The following BROX variants were observed in gnomAD, a reference collection of about 807,000 sequenced individuals.
BROX encodes BRO1 domain and CAAX motif containing, also known as BRO1 domain-containing protein BROX.
BROX carries 53 observed loss-of-function variants against 61.0 expected under a neutral mutation model. The ratio of observed to expected loss-of-function variants is 0.87; its 90% CI spans 0.70 to 1.09. The LOEUF is 1.09. BROX is among the 50% of genes least tolerant of loss of function. BROX has a pLI of 0.00. For missense variants in BROX, 489 were observed against 472.0 expected (o/e 1.04, Z -0.33); for synonymous variants, 152 against 160.2 (o/e 0.95, Z 0.38).
At position 222,724,137 on chromosome 1, in the gene BROX, T is replaced by C. The variant is rs1293647946; in HGVS notation, c.447T>C (p.Ile149=). The change falls in exon 6 of 13, where the codon ATT becomes ATC. Residue 149 remains isoleucine, a synonymous_variant. Coordinates refer to ENST00000340934, the MANE Select transcript of BROX (RefSeq NM_144695.4). ...EAKEVHRSLK[I]AAGIFKHLKE... ...AAGAAGTTCATCGAAGCCTAAAGAT[T>C]GCAGCTGGGATTTTTAAACATTTAA... is the stretch of plus-strand genomic sequence containing the variant. 1 of 1,612,026 alleles carries C rather than the reference T, an allele frequency of 6.2e-7. No homozygotes were observed. The highest frequency in any genetic ancestry group is 8.5e-7 in the Non-Finnish European group (1 of 1,179,150).
chr1:222,726,331 C>G (rs773521646), intron 7 of BROX, among the ~76,000 whole-genome samples: 2 of 152,016 alleles, frequency 1.3e-5, no homozygotes, highest in South Asian at 4.2e-4. Context: ...TTTGGGAGGC[C>G]GAGGCAGGAG....
chr1:222,721,389 T>C (rs552489015), intron 4 of BROX, among the ~76,000 whole-genome samples: 40 of 149,198 alleles, frequency 2.7e-4, no homozygotes, highest in Non-Finnish European at 4.9e-4. Flanking sequence ...TTTTTTTTTT[T>C]CATTTAAAAA....
intron 8 of BROX, among the ~76,000 whole-genome samples, chr1:222,728,318 T>C (rs79018731): frequency 0.021 from 3,158 of 152,250 alleles, 103 homozygotes; most frequent in African/African-American, 0.072. Context: ...TGTGAGTGAA[T>C]GTGTGTGTGT....
At chr1:222,720,413 T>A (rs1656986781) in intron 4 of BROX, among the ~76,000 whole-genome samples, 1 of 152,170 alleles carries the variant, frequency 6.6e-6, no homozygotes. Flanking sequence ...TTAAAAAGAC[T>A]TTTTTAAAGA....
rs575340449 is a variant in BROX, at chr1:222,733,783, T to C, written c.*1069T>C. The stretch of plus-strand genomic sequence containing the variant: ...TTACTTAGAGGAAAGAACTTTGTAA[T>C]AGCTCTTAATGTTTATATATAAGAG... On this transcript the variant is annotated 3_prime_UTR_variant, in exon 13 of 13. Transcript: ENST00000340934. The C allele has an allele frequency of 6.6e-6, 1 of 152,346 alleles. No individual in the cohort carries two copies. Among genetic ancestry groups the C allele is most frequent in the South Asian group, 2.1e-4 (1 of 4,832 alleles). The allele number at this position is 152,346 out of a possible 1,614,324, so 9.4% of individuals were successfully genotyped here. A position where few individuals can be genotyped will look rare whatever the true frequency, so the allele number is the denominator to read the frequency against.
intron 1 of BROX, chr1:222,713,477 C>T (rs768538627): frequency 1.1e-5 from 11 of 972,534 alleles, no homozygotes; most frequent in Non-Finnish European, 1.2e-5. Flanking sequence ...GAGCGGGAGT[C>T]CTCTTGTGGA....
intron 2 of BROX, among the ~76,000 whole-genome samples, chr1:222,717,170 G>C (rs184466155): frequency 6.6e-6 from 1 of 152,100 alleles, no homozygotes; most frequent in Non-Finnish European, 1.5e-5. Context: ...ATTATTCTTC[G>C]TTCATTTTTA....
intron 5 of BROX, among the ~76,000 whole-genome samples, chr1:222,723,748 G>A (rs954029346): frequency 3.3e-5 from 5 of 152,058 alleles, no homozygotes; most frequent in Non-Finnish European, 5.9e-5. Context: ...GCATGATCTC[G>A]GCTCGCTGCA....
chr1:222,729,677 A>T lies in BROX; in HGVS notation c.814A>T (p.Arg272Trp). 6.2e-7 allele frequency: 1 copy of T among 1,612,502 alleles called. No homozygotes were observed. The highest frequency in any genetic ancestry group is 8.5e-7 in the Non-Finnish European group (1 of 1,178,828). ...LASDKCGEAIRSLQEAEKLYA... is the reference protein window; with the variant it reads ...LASDKCGEAIWSLQEAEKLYA... ...TAGTGATAAATGCGGTGAAGCAATCAGGTCTCTCCAAGAAGCAGAAAAATG... is the reference window on the plus strand; with the variant it reads ...TAGTGATAAATGCGGTGAAGCAATCTGGTCTCTCCAAGAAGCAGAAAAATG... Residue 272 changes from arginine to tryptophan, a missense_variant, in exon 10 of 13, where the codon AGG becomes TGG. Coordinates refer to ENST00000340934, the MANE Select transcript of BROX (RefSeq NM_144695.4).
chr1:222,716,425 A>C (rs377120462), intron 2 of BROX, among the ~76,000 whole-genome samples: 1 of 152,208 alleles, frequency 6.6e-6, no homozygotes, highest in Admixed American at 6.5e-5. Flanking sequence ...AATTGGCCAC[A>C]TATTAAACTT....
At chr1:222,715,022 G>A (rs1350999069) in intron 1 of BROX, 5 of 152,230 alleles carry the variant, frequency 3.3e-5, no homozygotes, top group African/African-American at 9.6e-5. Context: ...TCAGCAATAT[G>A]TCGGAAATAC....
At chr1:222,718,190 C>T (rs967550946) in intron 2 of BROX, 1 of 151,966 alleles carries the variant, frequency 6.6e-6, no homozygotes, top group African/African-American at 2.4e-5. Flanking sequence ...ATAAAAGGAA[C>T]TTAAAAGAGA....
intron 2 of BROX, among the ~76,000 whole-genome samples, chr1:222,718,384 A>C (rs1191653466): frequency 1.3e-5 from 2 of 152,196 alleles, no homozygotes; most frequent in African/African-American, 4.8e-5. Context: ...GTTGAATTAC[A>C]TGTCAAGGAT....
intron 4 of BROX, among the ~76,000 whole-genome samples, chr1:222,720,549 C>T (rs1571970288): frequency 6.6e-6 from 1 of 152,100 alleles, no homozygotes; most frequent in Non-Finnish European, 1.5e-5. Flanking sequence ...CAGTGGCTCA[C>T]GCCTGTAATC....
chr1:222,728,810 G>T lies in BROX; in HGVS notation c.738G>T (p.Met246Ile). Residue 246 changes from methionine (M) to isoleucine (I), a missense_variant, in exon 9 of 13, where the codon ATG becomes ATT. Physicochemically the swap from Met to Ile is conservative, Grantham distance 10. Coordinates refer to ENST00000340934, the MANE Select transcript of BROX (RefSeq NM_144695.4). ...GGAGAAAATATCTTCACTTGAAGAT[G>T]TGTTTCTACACAGCTTATGTAAGTA... is the stretch of plus-strand genomic sequence containing the variant. ...AKWRKYLHLK[M>I]CFYTAYAYCY... 1 of 1,600,624 alleles carries T rather than the reference G, an allele frequency of 6.2e-7. No homozygotes were observed. The highest frequency in any genetic ancestry group is 1.7e-5 in the Admixed American group (1 of 59,940).
chr1:222,725,575 AT>A lies in BROX; in HGVS notation c.580+27del, dbSNP rs1276337077. On this transcript the variant is annotated intron_variant, in intron 7 of 12. Coordinates refer to ENST00000340934, the MANE Select transcript of BROX (RefSeq NM_144695.4). The stretch of plus-strand genomic sequence containing the variant: ...AAGAAGGTATCCTAAATATTGTAAG[AT>A]TTTTTTAAATGAAAGTCTATATTGT... 6.5e-7 allele frequency: 1 copy of A among 1,540,882 alleles called. No individual in the cohort carries two copies. The highest frequency in any genetic ancestry group is 1.4e-5 in the African/African-American group (1 of 71,780).
intron 2 of BROX, chr1:222,717,734 G>T (rs1244196312): frequency 6.6e-6 from 1 of 152,170 alleles, no homozygotes; most frequent in Non-Finnish European, 1.5e-5. Flanking sequence ...TACCATTCAG[G>T]ATTAAGTCTG....
chr1:222,728,609 T>A (rs1193805761), intron 8 of BROX, 134 bp from the exon 9 acceptor site: 7 of 499,620 alleles, frequency 1.4e-5, no homozygotes, highest in Non-Finnish European at 2.1e-5. Context: ...AAGGTGTTTT[T>A]AAAAAAAAAT....
intron 1 of BROX, among the ~76,000 whole-genome samples, chr1:222,714,589 T>G (rs1656421799): frequency 6.6e-6 from 1 of 151,398 alleles, no homozygotes. Flanking sequence ...TTTGTTTTTT[T>G]TTTCCTTTTT....
Sources: allele counts gnomAD v4.1 joint callset (sites outside exome capture counted in the v4.1 genomes callset), GRCh38; gene constraint gnomAD v4.1.1; transcripts MANE v1.5; gene names NCBI Gene and HGNC (gene_info 2026-07-23, HGNC 2026-07-21).